Variants in CTDSPL2 observed in about 807,000 individuals in gnomAD.
The protein encoded by CTDSPL2 is CTD small phosphatase like 2.
CTDSPL2 carries 5 observed loss-of-function variants against 60.0 expected under a neutral mutation model. The ratio of observed to expected loss-of-function variants is 0.08; its 90% CI spans 0.04 to 0.18. The LOEUF (loss-of-function observed/expected upper bound fraction) is 0.18. Among genes scored for constraint, CTDSPL2 ranks in the 10% least tolerant of loss-of-function variants. CTDSPL2 has a pLI of 1.00. For missense variants in CTDSPL2, 370 were observed against 548.8 expected (o/e 0.67, Z 3.26); for synonymous variants, 186 against 189.3 (o/e 0.98, Z 0.14).
At chr15:44,431,072 T>C (rs564329006) in intron 1 of CTDSPL2, among the ~76,000 whole-genome samples, 122 of 152,046 alleles carry the variant, frequency 8.0e-4, no homozygotes, top group Non-Finnish European at 1.4e-3. Context: ...TCCACCCACC[T>C]CGGCCTCCCA....
chr15:44,490,718 C>A, intron 4 of CTDSPL2, 66 bp from the exon 5 acceptor site: 1 of 1,148,614 alleles, frequency 8.7e-7, no homozygotes, highest in Non-Finnish European at 1.3e-6. Context: ...TACGGTGATG[C>A]TGCATTTAGT....
chr15:44,448,297 A>G (rs1381503528), intron 1 of CTDSPL2: 1 of 272,040 alleles, frequency 3.7e-6, no homozygotes, highest in Non-Finnish European at 7.5e-6. Context: ...CATTTGGTCA[A>G]GGCCCAGCAG....
intron 1 of CTDSPL2, among the ~76,000 whole-genome samples, chr15:44,435,612 T>A (rs1465037826): frequency 6.6e-6 from 1 of 150,874 alleles, no homozygotes; most frequent in Non-Finnish European, 1.5e-5. Flanking sequence ...AGAGTTGTTT[T>A]TTTTTTTTTT....
chr15:44,467,045 G>C (rs1184820713), intron 2 of CTDSPL2, among the ~76,000 whole-genome samples: 2 of 152,188 alleles, frequency 1.3e-5, no homozygotes, highest in African/African-American at 4.8e-5. Context: ...ACATAGAAAA[G>C]AAACAGTAAA....
intron 1 of CTDSPL2, among the ~76,000 whole-genome samples, chr15:44,439,562 G>A (rs893508232): frequency 6.6e-6 from 1 of 150,842 alleles, no homozygotes; most frequent in Non-Finnish European, 1.5e-5. Flanking sequence ...GGGAATATTT[G>A]CATTATACTG....
rs547567901 is a variant in CTDSPL2, at chr15:44,486,122, G to T, written c.326-429G>T. Among the ~76,000 whole-genome samples the T allele has an allele frequency of 3.3e-5, 5 of 152,150 alleles. No homozygotes were observed. In the East Asian group the frequency reaches 9.6e-4, roughly 29 times the overall value. On this transcript the variant is annotated intron_variant, in intron 3 of 12. Coordinates refer to ENST00000260327, the MANE Select transcript of CTDSPL2 (RefSeq NM_016396.3). ...GAGTTATGTTGCCTCTATTCATTTC[G>T]CTGTCATTCATTAGATAGAAGCAGA...
At chr15:44,456,121 A>G (rs1342620214) in intron 1 of CTDSPL2, among the ~76,000 whole-genome samples, 1 of 151,982 alleles carries the variant, frequency 6.6e-6, no homozygotes, top group African/African-American at 2.4e-5. Flanking sequence ...AAGTGCTGGG[A>G]TTACAGGCGT....
intron 5 of CTDSPL2, among the ~76,000 whole-genome samples, chr15:44,494,014 A>G (rs1350082990): frequency 6.6e-6 from 1 of 152,168 alleles, no homozygotes; most frequent in Non-Finnish European, 1.5e-5. Flanking sequence ...TGCACAAAAG[A>G]TTAATTTTTG....
intron 8 of CTDSPL2, chr15:44,503,663 A>T (rs1235482217): frequency 6.6e-6 from 1 of 152,242 alleles, no homozygotes; most frequent in Non-Finnish European, 1.5e-5. Flanking sequence ...CAAAAAGAAG[A>T]TACCTCATAT....
chr15:44,431,251 T>TG (rs1326388388), intron 1 of CTDSPL2, among the ~76,000 whole-genome samples: 3 of 152,050 alleles, frequency 2.0e-5, no homozygotes, highest in Non-Finnish European at 4.4e-5. Flanking sequence ...CATGAGCCAC[T>TG]GCACCCGGCT....
intron 7 of CTDSPL2, among the ~76,000 whole-genome samples, chr15:44,499,420 C>A (rs1311853547): frequency 6.6e-6 from 1 of 151,958 alleles, no homozygotes; most frequent in Admixed American, 6.6e-5. Context: ...ATAAAAAAAA[C>A]ACAGAGATTG....
At chr15:44,514,942 A>G (rs764088953) in intron 10 of CTDSPL2, 98 bp downstream of exon 10, 1 of 699,268 alleles carries the variant, frequency 1.4e-6, no homozygotes, top group Non-Finnish European at 2.5e-6. Context: ...TTGGCTGCAT[A>G]TGTGTTGAAT....
Position 44,458,993 on chromosome 15 carries a change from T to G in CTDSPL2, c.-22T>G. On this transcript the variant is annotated splice_region_variant and 5_prime_UTR_variant, in exon 2 of 13. Coordinates refer to ENST00000260327, the MANE Select transcript of CTDSPL2 (RefSeq NM_016396.3). ...CATTTATTATTTTTCTCTTTTAGTT[T>G]TACATGTGGCACCCATAAAAGATGA... The G allele has an allele frequency of 6.7e-7, 1 of 1,496,332 alleles. No homozygotes were observed. Among genetic ancestry groups the G allele is most frequent in the East Asian group, 2.4e-5 (1 of 40,946 alleles). 92.7% of individuals were successfully genotyped at this position (1,496,332 alleles called of 1,614,324 possible).
chr15:44,452,713 ATT>A (rs1393011276), intron 1 of CTDSPL2, among the ~76,000 whole-genome samples: 4 of 152,068 alleles, frequency 2.6e-5, no homozygotes, highest in Admixed American at 2.6e-4. Flanking sequence ...TAAATTTGTC[ATT>A]CTTTTTAATT....
intron 4 of CTDSPL2, among the ~76,000 whole-genome samples, chr15:44,489,048 A>T (rs1013282287): frequency 6.6e-6 from 1 of 151,930 alleles, no homozygotes; most frequent in Non-Finnish European, 1.5e-5. Flanking sequence ...GTTTACATTG[A>T]TATTTTCTTT....
At chr15:44,493,047 ACAGTCATTCATTTATTCTCC>A (rs1332748274) in intron 5 of CTDSPL2, among the ~76,000 whole-genome samples, 3 of 152,128 alleles carry the variant, frequency 2.0e-5, no homozygotes, top group Admixed American at 6.6e-5. Context: ...TATAGTTGTC[ACAGTCATTCATTTATTCTCC>A]CAGCATTTAT....
chr15:44,435,256 C>CAAA (rs35787192), intron 1 of CTDSPL2, among the ~76,000 whole-genome samples: 9 of 45,958 alleles, frequency 2.0e-4, no homozygotes, highest in Non-Finnish European at 3.4e-4. Context: ...GACTCCGTCT[C>CAAA]AAAAAAAAAA....
At position 44,486,719 on chromosome 15, in the gene CTDSPL2, C is replaced by A; in HGVS notation, c.475+19C>A. On this transcript the variant is annotated intron_variant, in intron 4 of 12. Transcript: ENST00000260327. The stretch of plus-strand genomic sequence containing the variant: ...AAAAATGGTAAGTATAAACTGTTAA[C>A]TGTGATTTGGATTTTTTTTAAAAAA... 1.4e-6 allele frequency: 2 copies of A among 1,442,916 alleles called. No individual in the cohort carries two copies. Among genetic ancestry groups the A allele is most frequent in the Non-Finnish European group, 1.9e-6 (2 of 1,079,242 alleles). The allele number at this position is 1,442,916 out of a possible 1,614,324, so 89.4% of individuals were successfully genotyped here.
intron 1 of CTDSPL2, among the ~76,000 whole-genome samples, chr15:44,440,554 AC>A (rs2080064418): frequency 6.6e-6 from 1 of 151,984 alleles, no homozygotes; most frequent in Non-Finnish European, 1.5e-5. Context: ...AGTGATGTTC[AC>A]TTTTTCCTTC....
Sources: allele counts gnomAD v4.1 joint callset (sites outside exome capture counted in the v4.1 genomes callset), GRCh38; gene constraint gnomAD v4.1.1; transcripts MANE v1.5; gene names NCBI Gene and HGNC (gene_info 2026-07-23, HGNC 2026-07-21).